Variants in DLG1 observed in about 807,000 individuals in gnomAD.
DLG1 encodes discs large MAGUK scaffold protein 1.
DLG1 carries 42 observed loss-of-function variants against 123.4 expected under a neutral mutation model. That is an observed-to-expected ratio of 0.34 (90% CI 0.27 to 0.44). The LOEUF is 0.44. Ranked by LOEUF, DLG1 falls within the 20% of genes least tolerant of loss-of-function variation. DLG1 has a pLI of 1.00. For missense variants in DLG1, 942 were observed against 1,082.6 expected (o/e 0.87, Z 1.82); for synonymous variants, 317 against 356.2 (o/e 0.89, Z 1.24).
Position 197,282,847 on chromosome 3 carries a change from TAGA to T in DLG1, c.152-5_152-3del. The T allele has an allele frequency of 1.3e-6, 2 of 1,484,356 alleles. No homozygotes were observed. The highest frequency in any genetic ancestry group is 1.2e-5 in the South Asian group (1 of 80,442). The allele number at this position is 1,484,356 out of a possible 1,614,324, so 91.9% of individuals were successfully genotyped here. A position where few individuals can be genotyped will look rare whatever the true frequency, so the allele number is the denominator to read the frequency against. On this transcript the variant is annotated splice_region_variant and splice_polypyrimidine_tract_variant and intron_variant, in intron 3 of 24. Coordinates refer to ENST00000667157, the MANE Select transcript of DLG1 (RefSeq NM_001366207.1). ...TCACTTCATAAAATTCTTGAATATC[TAGA>T]AGAAGGAAAATAAAAATTCATAAGT... is the stretch of plus-strand genomic sequence containing the variant.
intron 3 of DLG1, among the ~76,000 whole-genome samples, chr3:197,286,932 C>T (rs1285211953): frequency 1.3e-5 from 2 of 151,648 alleles, no homozygotes; most frequent in East Asian, 3.9e-4. Context: ...CACTCTGTCA[C>T]TCAAGCTGCA....
At chr3:197,288,041 T>C (rs2151202754) in intron 3 of DLG1, among the ~76,000 whole-genome samples, 1 of 152,058 alleles carries the variant, frequency 6.6e-6, no homozygotes, top group African/African-American at 2.4e-5. Context: ...CAAACCTAAA[T>C]GCTCCTAGGA....
rs1417794807 is a variant in DLG1, at chr3:197,192,416, CT to C, written c.483+2008del. On this transcript the variant is annotated intron_variant, in intron 5 of 24. Transcript: ENST00000667157. ...GGTAATTAGTGCAATAAGCAAGTGA[CT>C]TGAGAAACTAGAAAAACAAGAAAAC... Among the ~76,000 whole-genome samples, 3 of 151,698 alleles carry C rather than the reference CT, an allele frequency of 2.0e-5. No individual in the cohort carries two copies. In the East Asian group the frequency reaches 5.8e-4, roughly 29 times the overall value.
rs1416409339 is a variant in DLG1, at chr3:197,276,198, A to G, written c.318+6481T>C. Among the ~76,000 whole-genome samples, 6 of 152,336 alleles carry G rather than the reference A, an allele frequency of 3.9e-5. No individual in the cohort carries two copies. In the Middle Eastern group the frequency reaches 0.014, roughly 345 times the overall value. On this transcript the variant is annotated intron_variant, in intron 4 of 24. Transcript: ENST00000667157. ...TGCCTGCTACTTTATCTTGCATTAAATGGCTCTACCATAATGTGTTTATCC... is the reference window on the plus strand; with the variant it reads ...TGCCTGCTACTTTATCTTGCATTAAGTGGCTCTACCATAATGTGTTTATCC...
At chr3:197,162,316 A>G (rs1174390992) in intron 5 of DLG1, among the ~76,000 whole-genome samples, 3 of 152,236 alleles carry the variant, frequency 2.0e-5, no homozygotes, top group Non-Finnish European at 4.4e-5. Flanking sequence ...AACCTGGTAT[A>G]AATTAAACTA....
At chr3:197,104,878 C>T (rs772416733) in intron 14 of DLG1, 25 bp downstream of exon 14, 6 of 1,478,176 alleles carry the variant, frequency 4.1e-6, no homozygotes, top group South Asian at 3.4e-5. Context: ...TAAGCAATAA[C>T]TATAGACAAT....
intron 15 of DLG1, among the ~76,000 whole-genome samples, chr3:197,088,537 GAGAA>G (rs1755772031): frequency 2.6e-5 from 4 of 152,170 alleles, no homozygotes; most frequent in Admixed American, 2.6e-4. Context: ...AAGATTAATT[GAGAA>G]AGAAGAAAAT....
intron 14 of DLG1, 32 bp from the exon 15 acceptor site, chr3:197,091,058 T>A (rs776453422): frequency 7.0e-7 from 1 of 1,423,374 alleles, no homozygotes; most frequent in Non-Finnish European, 9.9e-7. Context: ...TAAATTGATA[T>A]ATTTTCAAAA....
chr3:197,200,250 CCAGA>C (rs1724912352), intron 4 of DLG1, among the ~76,000 whole-genome samples: 1 of 152,046 alleles, frequency 6.6e-6, no homozygotes, highest in Non-Finnish European at 1.5e-5. Context: ...TAAATCAATA[CCAGA>C]CAGTTGAACA....
chr3:197,297,739 G>T, intron 1 of DLG1: 1 of 986,334 alleles, frequency 1.0e-6, no homozygotes, highest in Non-Finnish European at 1.2e-6. Context: ...GCCGCTCTCC[G>T]CGACGCCCTC....
chr3:197,202,186 A>C (rs2150335008), intron 4 of DLG1, among the ~76,000 whole-genome samples: 1 of 152,358 alleles, frequency 6.6e-6, no homozygotes, highest in Admixed American at 6.5e-5. Flanking sequence ...ATGTAAGATG[A>C]GAAGAATTAC....
At chr3:197,250,452 C>T (rs1207702421) in intron 4 of DLG1, among the ~76,000 whole-genome samples, 4 of 151,858 alleles carry the variant, frequency 2.6e-5, no homozygotes, top group Non-Finnish European at 4.4e-5. Flanking sequence ...ACCTGTAATC[C>T]CAGCTACTCA....
chr3:197,277,692 T>G (rs1271466888), intron 4 of DLG1, among the ~76,000 whole-genome samples: 6 of 152,090 alleles, frequency 3.9e-5, no homozygotes, highest in African/African-American at 1.4e-4. Context: ...CCTTTTCTAC[T>G]GAAATATCCC....
At chr3:197,167,277 T>C (rs753478193) in intron 5 of DLG1, among the ~76,000 whole-genome samples, 2 of 152,238 alleles carry the variant, frequency 1.3e-5, no homozygotes, top group Non-Finnish European at 2.9e-5. Context: ...GCAGCCATCA[T>C]AGTAATAGAG....
At chr3:197,133,518 T>C (rs1263456630) in intron 10 of DLG1, among the ~76,000 whole-genome samples, 1 of 152,206 alleles carries the variant, frequency 6.6e-6, no homozygotes, top group Non-Finnish European at 1.5e-5. Flanking sequence ...CACATATCAC[T>C]AGATACCTGA....
Position 197,230,119 on chromosome 3 carries a change from AC to A in DLG1, c.319-35531del, listed in dbSNP as rs1194677596. On this transcript the variant is annotated intron_variant, in intron 4 of 24. Coordinates refer to ENST00000667157, the MANE Select transcript of DLG1 (RefSeq NM_001366207.1). The stretch of plus-strand genomic sequence containing the variant: ...TTAAGGCTATCAGGCAAGCTTTAAA[AC>A]AGTTTTCAATTACTAATCTGTTTAA... Among the ~76,000 whole-genome samples, 7 of 152,336 alleles carry A rather than the reference AC, an allele frequency of 4.6e-5. No homozygotes were observed. The East Asian group carries it at 1.2e-3, about 25-fold the overall frequency.
chr3:197,044,665 T>C lies in DLG1; in HGVS notation c.2640A>G (p.Gln880=), dbSNP rs375490772. 49 of 1,610,592 alleles carry C rather than the reference T, an allele frequency of 3.0e-5. No individual in the cohort carries two copies. In the Middle Eastern group the frequency reaches 6.6e-4, roughly 22 times the overall value. ...CCGGAACCCAGATGTAAGAACCAGA[T>C]TGTTCTTCTATGATCTGTTTCACTT... The part of the protein sequence containing the change: ...YNQVKQIIEE[Q]SGSYIWVPAK... The change falls in exon 25 of 25, where the codon CAA becomes CAG. Residue 880 remains glutamine, a synonymous_variant. Transcript: ENST00000667157.
At chr3:197,285,114 T>G (rs1014711264) in intron 3 of DLG1, among the ~76,000 whole-genome samples, 5 of 151,980 alleles carry the variant, frequency 3.3e-5, no homozygotes, top group African/African-American at 1.2e-4. Flanking sequence ...ACATAAAAAT[T>G]TTTCATTACC....
At chr3:197,084,808 A>G (rs1753313430) in intron 16 of DLG1, among the ~76,000 whole-genome samples, 1 of 150,010 alleles carries the variant, frequency 6.7e-6, no homozygotes, top group Non-Finnish European at 1.5e-5. Context: ...AGATATTTAG[A>G]CAGAGTTTTG....
Sources: allele counts gnomAD v4.1 joint callset (sites outside exome capture counted in the v4.1 genomes callset), GRCh38; gene constraint gnomAD v4.1.1; transcripts MANE v1.5; gene names NCBI Gene and HGNC (gene_info 2026-07-23, HGNC 2026-07-21).